The following NSMCE2 variants were observed in gnomAD, a reference collection of about 807,000 sequenced individuals.
NSMCE2 encodes NSE2 SUMO ligase component of SMC5/6 complex, also known as E3 SUMO-protein ligase NSE2.
A neutral mutation model predicts 23.8 loss-of-function variants in NSMCE2; 24 were observed. That is an observed-to-expected ratio of 1.01 (90% CI 0.73 to 1.42). NSMCE2 has a LOEUF of 1.42. Ranked by LOEUF, NSMCE2 falls within the 40% of genes most tolerant of loss-of-function variation. The pLI is 0.00. For missense variants in NSMCE2, 284 were observed against 296.5 expected, an observed-to-expected ratio of 0.96 and a Z score of 0.31; for synonymous variants, 92 against 94.1, an observed-to-expected ratio of 0.98 and a Z score of 0.13.
chr8:125,298,712 T>TCC (rs1554634247), intron 5 of NSMCE2, among the ~76,000 whole-genome samples: 10 of 148,664 alleles, frequency 6.7e-5, no homozygotes, highest in Admixed American at 2.7e-4. Flanking sequence ...TTTTTTTTTT[T>TCC]CCCCAGTTTA....
chr8:125,223,163 C>T (rs1282352116), intron 5 of NSMCE2, among the ~76,000 whole-genome samples: 1 of 151,850 alleles, frequency 6.6e-6, no homozygotes, highest in African/African-American at 2.4e-5. Context: ...TGAGACCAAC[C>T]TGAGCAACAT....
chr8:125,170,376 C>CTTTTTT lies in NSMCE2; in HGVS notation c.265-11693_265-11688dup, dbSNP rs565593006. ...CATCAATAAACCTTACTCTTTATTT[C>CTTTTTT]TTTTTTTTTTTTTTTTTTTTTTTTT... On this transcript the variant is annotated intron_variant, in intron 4 of 7. Coordinates refer to ENST00000287437, the MANE Select transcript of NSMCE2 (RefSeq NM_173685.4). Among the ~76,000 whole-genome samples, 35 of 37,862 alleles carry CTTTTTT rather than the reference C, an allele frequency of 9.2e-4. 8 individuals carry two copies. Among genetic ancestry groups the CTTTTTT allele is most frequent in the South Asian group, 2.8e-3 (2 of 706 alleles). 24.8% of individuals were successfully genotyped at this position (37,862 alleles called of 152,430 possible).
intron 3 of NSMCE2, among the ~76,000 whole-genome samples, chr8:125,103,985 T>C (rs1414212875): frequency 6.6e-6 from 1 of 151,272 alleles, no homozygotes; most frequent in Non-Finnish European, 1.5e-5. Context: ...GTTTGGATTT[T>C]GTTGTCTTTT....
At chr8:125,147,275 G>C (rs1820741261) in intron 3 of NSMCE2, among the ~76,000 whole-genome samples, 1 of 152,174 alleles carries the variant, frequency 6.6e-6, no homozygotes, top group Non-Finnish European at 1.5e-5. Context: ...TAATTCAGTT[G>C]AATCTCTTTG....
intron 5 of NSMCE2, among the ~76,000 whole-genome samples, chr8:125,254,312 G>T (rs1826320426): frequency 6.6e-6 from 1 of 152,140 alleles, no homozygotes; most frequent in African/African-American, 2.4e-5. Flanking sequence ...TCATTAGTGT[G>T]CCACAAAACA....
At chr8:125,241,422 G>T (rs1825760625) in intron 5 of NSMCE2, among the ~76,000 whole-genome samples, 1 of 152,216 alleles carries the variant, frequency 6.6e-6, no homozygotes, top group Non-Finnish European at 1.5e-5. Context: ...ACTTAAAAGA[G>T]CATGTCAGAT....
chr8:125,164,298 CAA>C lies in NSMCE2; in HGVS notation c.264+13022_264+13023del, dbSNP rs547182798. 2.4e-4 allele frequency among the ~76,000 whole-genome samples: 36 copies of C among 152,256 alleles called. No homozygotes were observed. In the East Asian group the frequency reaches 5.6e-3, roughly 24 times the overall value. On this transcript the variant is annotated intron_variant, in intron 4 of 7. Transcript: ENST00000287437. ...CTTGCGCAGATCACTTGGTTAGTCT[CAA>C]GAGGTGAGACTTGAACCTCAGTGTT...
At chr8:125,276,736 A>G (rs989774824) in intron 5 of NSMCE2, among the ~76,000 whole-genome samples, 2 of 152,210 alleles carry the variant, frequency 1.3e-5, no homozygotes, top group South Asian at 4.1e-4. Flanking sequence ...TTTCATCCTA[A>G]TAACCCAATG....
intron 4 of NSMCE2, 145 bp from the exon 5 acceptor site, chr8:125,181,958 A>T (rs556191373): frequency 1.5e-6 from 1 of 652,334 alleles, no homozygotes; most frequent in East Asian, 2.8e-5. Flanking sequence ...ACATGTCCCA[A>T]CCTCTCTGGT....
At chr8:125,248,980 G>C (rs1186036582) in intron 5 of NSMCE2, among the ~76,000 whole-genome samples, 1 of 152,124 alleles carries the variant, frequency 6.6e-6, no homozygotes, top group African/African-American at 2.4e-5. Context: ...GACCAGCCTG[G>C]CCAACATGGT....
chr8:125,243,776 A>C (rs35336507), intron 5 of NSMCE2, among the ~76,000 whole-genome samples: 1 of 152,068 alleles, frequency 6.6e-6, no homozygotes, highest in Non-Finnish European at 1.5e-5. Flanking sequence ...CCAATTACCT[A>C]ATAGTCCCGC....
intron 4 of NSMCE2, among the ~76,000 whole-genome samples, chr8:125,154,489 T>A (rs1233901210): frequency 6.8e-6 from 1 of 148,056 alleles, no homozygotes; most frequent in Non-Finnish European, 1.5e-5. Context: ...GGAATTGGCA[T>A]CTATTTTAGT....
chr8:125,211,396 CATAAT>C (rs771370170), intron 5 of NSMCE2, among the ~76,000 whole-genome samples: 2 of 152,174 alleles, frequency 1.3e-5, no homozygotes, highest in Non-Finnish European at 2.9e-5. Flanking sequence ...GCTTTGTTCA[CATAAT>C]ATATTTTGAA....
intron 3 of NSMCE2, among the ~76,000 whole-genome samples, chr8:125,129,936 G>C (rs1305950558): frequency 6.6e-6 from 1 of 152,102 alleles, no homozygotes; most frequent in African/African-American, 2.4e-5. Context: ...TCAAAACTAA[G>C]GAACAACTCT....
intron 5 of NSMCE2, among the ~76,000 whole-genome samples, chr8:125,237,668 A>C (rs1259423423): frequency 1.3e-5 from 2 of 152,138 alleles, no homozygotes; most frequent in African/African-American, 2.4e-5. Context: ...TTTTTTTCTC[A>C]GTACATCAGT....
chr8:125,271,214 T>C (rs1387213493), intron 5 of NSMCE2, among the ~76,000 whole-genome samples: 2 of 151,120 alleles, frequency 1.3e-5, no homozygotes, highest in Non-Finnish European at 2.9e-5. Flanking sequence ...TGAGCAGAGA[T>C]TATGCCATTG....
intron 3 of NSMCE2, chr8:125,130,356 T>A (rs1819710333): frequency 2.2e-6 from 1 of 446,006 alleles, no homozygotes; most frequent in African/African-American, 2.0e-5. Context: ...ACTGGAAAGG[T>A]ACTTTTTTCT....
At chr8:125,313,816 T>G (rs187937613) in intron 5 of NSMCE2, among the ~76,000 whole-genome samples, 1 of 152,342 alleles carries the variant, frequency 6.6e-6, no homozygotes, top group East Asian at 1.9e-4. Flanking sequence ...CAACAGACTT[T>G]GCAGAACAAA....
At chr8:125,362,764 C>T (rs1176556533) in intron 7 of NSMCE2, among the ~76,000 whole-genome samples, 1 of 152,212 alleles carries the variant, frequency 6.6e-6, no homozygotes, top group Non-Finnish European at 1.5e-5. Context: ...ATGCCTCTAC[C>T]ATCAGAGTCT....
Sources: gnomAD v4.1 joint callset for allele counts (sites outside exome capture counted in the v4.1 genomes callset) on GRCh38, gnomAD v4.1.1 for gene constraint, MANE v1.5 for transcripts, NCBI Gene and HGNC (gene_info 2026-07-23, HGNC 2026-07-21) for gene names.